Variants in NRG3 observed in about 807,000 individuals in gnomAD.
NRG3 encodes neuregulin 3.
Under a neutral mutation model 66.9 loss-of-function variants are expected in NRG3, and 31 were observed. The ratio of observed to expected loss-of-function variants is 0.46; its 90% confidence interval spans 0.35 to 0.63. The LOEUF is 0.63. Among genes scored for constraint, NRG3 ranks in the 20% least tolerant of loss-of-function variants. The probability of loss-of-function intolerance (pLI) is 0.00; values close to 1 mark genes in which losing one functional copy is unlikely to be tolerated. For synonymous variants in NRG3, 393 were observed against 359.4 expected (o/e 1.09, Z -1.06); for missense variants, 910 against 878.9 (o/e 1.04, Z -0.45).
At chr10:82,207,438 A>T (rs1430978155) in intron 1 of NRG3, among the ~76,000 whole-genome samples, 1 of 152,162 alleles carries the variant, frequency 6.6e-6, no homozygotes, top group Admixed American at 6.6e-5. Flanking sequence ...GATGAATAAC[A>T]TGTCTACTCA....
intron 1 of NRG3, among the ~76,000 whole-genome samples, chr10:81,931,814 T>A (rs1169499700): frequency 6.6e-6 from 1 of 152,168 alleles, no homozygotes; most frequent in East Asian, 1.9e-4. Context: ...GAAGTGTTTA[T>A]TCTGCATGCA....
intron 3 of NRG3, among the ~76,000 whole-genome samples, chr10:82,816,971 C>T (rs2061736478): frequency 6.6e-6 from 1 of 152,212 alleles, no homozygotes; most frequent in Non-Finnish European, 1.5e-5. Flanking sequence ...ATGAGGACCC[C>T]TCTACTAGAA....
intron 2 of NRG3, among the ~76,000 whole-genome samples, chr10:82,596,886 C>A (rs1204517557): frequency 6.6e-6 from 1 of 152,092 alleles, no homozygotes; most frequent in East Asian, 1.9e-4. Flanking sequence ...TTCCAGGTCC[C>A]TTTTGCTTTT....
At chr10:82,770,454 C>T (rs1411311983) in intron 3 of NRG3, among the ~76,000 whole-genome samples, 1 of 152,172 alleles carries the variant, frequency 6.6e-6, no homozygotes, top group East Asian at 1.9e-4. Context: ...ATTCCTAATA[C>T]GACGATTTTC....
intron 2 of NRG3, among the ~76,000 whole-genome samples, chr10:82,688,156 C>T (rs2054653944): frequency 6.6e-6 from 1 of 152,154 alleles, no homozygotes; most frequent in South Asian, 2.1e-4. Flanking sequence ...TTGTTTGTAT[C>T]ATTCCTCAGT....
chr10:82,728,516 T>C (rs1236529288), intron 2 of NRG3, among the ~76,000 whole-genome samples: 1 of 152,212 alleles, frequency 6.6e-6, no homozygotes, highest in Admixed American at 6.5e-5. Context: ...CCTTCTGCCA[T>C]GATTGTGAGA....
intron 1 of NRG3, among the ~76,000 whole-genome samples, chr10:82,165,752 G>A (rs1049336188): frequency 2.0e-5 from 3 of 151,694 alleles, no homozygotes; most frequent in Non-Finnish European, 2.9e-5. Context: ...AGTATTTTAT[G>A]TTGCTAAAGT....
intron 2 of NRG3, among the ~76,000 whole-genome samples, chr10:82,535,460 T>C (rs1264890560): frequency 6.6e-6 from 1 of 152,058 alleles, no homozygotes; most frequent in Admixed American, 6.6e-5. Context: ...GGGTTTTTGG[T>C]AAGTGAACAT....
chr10:82,821,316 G>A (rs1052545982), intron 3 of NRG3, among the ~76,000 whole-genome samples: 34 of 152,180 alleles, frequency 2.2e-4, no homozygotes, highest in Middle Eastern at 3.4e-3. Flanking sequence ...AACAGAAATA[G>A]CCTCTGAAAG....
chr10:82,372,868 A>G (rs2084974350), intron 2 of NRG3, among the ~76,000 whole-genome samples: 3 of 152,232 alleles, frequency 2.0e-5, no homozygotes, highest in South Asian at 4.1e-4. Context: ...TGCTGGGATT[A>G]CGGGCATGCG....
chr10:82,816,475 A>G (rs1321200662), intron 3 of NRG3, among the ~76,000 whole-genome samples: 1 of 151,976 alleles, frequency 6.6e-6, no homozygotes, highest in Non-Finnish European at 1.5e-5. Flanking sequence ...CTGTGAGTCC[A>G]GCTGAGTCCA....
At chr10:82,885,996 C>G (rs544065487) in intron 4 of NRG3, among the ~76,000 whole-genome samples, 2 of 152,218 alleles carry the variant, frequency 1.3e-5, no homozygotes, top group South Asian at 2.1e-4. Context: ...CTTAGCCTCC[C>G]GAGTAGCTGG....
chr10:82,716,550 T>G (rs973475760), intron 2 of NRG3, among the ~76,000 whole-genome samples: 1 of 152,122 alleles, frequency 6.6e-6, no homozygotes, highest in Admixed American at 6.5e-5. Flanking sequence ...GGTGCAGATA[T>G]AGAGGATGTA....
chr10:82,871,031 G>C (rs1325960916), intron 4 of NRG3, among the ~76,000 whole-genome samples: 1 of 152,142 alleles, frequency 6.6e-6, no homozygotes, highest in African/African-American at 2.4e-5. Context: ...TATGTGATCT[G>C]CTAGGAGTGT....
Position 82,909,238 on chromosome 10 carries a change from C to A in NRG3, c.1055-42231C>A, listed in dbSNP as rs529141677. Among the ~76,000 whole-genome samples, 36 of 152,270 alleles carry A rather than the reference C, an allele frequency of 2.4e-4. 1 individual carries two copies. In the South Asian group the frequency reaches 5.0e-3, roughly 21 times the overall value. On this transcript the variant is annotated intron_variant, in intron 4 of 8. Transcript: ENST00000372141. ...CATTTTATTTCTGTCACAATTATTA[C>A]CTCCTAGAGATGACCTTCAATGCAG...
intron 3 of NRG3, among the ~76,000 whole-genome samples, chr10:82,865,188 C>G (rs1223431147): frequency 6.6e-6 from 1 of 152,100 alleles, no homozygotes; most frequent in East Asian, 1.9e-4. Flanking sequence ...AAAATCTAAG[C>G]TATAGCTCAG....
At chr10:82,444,087 A>T (rs188830603) in intron 2 of NRG3, among the ~76,000 whole-genome samples, 2 of 152,232 alleles carry the variant, frequency 1.3e-5, no homozygotes, top group East Asian at 3.9e-4. Context: ...TCATTCTCTT[A>T]AAAAAAATTT....
At chr10:82,630,376 A>C (rs2049737962) in intron 2 of NRG3, among the ~76,000 whole-genome samples, 1 of 144,312 alleles carries the variant, frequency 6.9e-6, no homozygotes, top group African/African-American at 2.6e-5. Context: ...TTTTTTTCAG[A>C]TAAAAATAGC....
chr10:82,812,225 G>T (rs1043926691), intron 3 of NRG3, among the ~76,000 whole-genome samples: 2 of 152,174 alleles, frequency 1.3e-5, no homozygotes, highest in Non-Finnish European at 2.9e-5. Flanking sequence ...CTCAGTTGAT[G>T]CTGATATTCC....
Sources: gnomAD v4.1 joint callset for allele counts (sites outside exome capture counted in the v4.1 genomes callset) on GRCh38, gnomAD v4.1.1 for gene constraint, MANE v1.5 for transcripts, NCBI Gene and HGNC (gene_info 2026-07-23, HGNC 2026-07-21) for gene names.